IMMP2L: variants seen among roughly 807,000 people sequenced by gnomAD.
IMMP2L encodes the protein mitochondrial inner membrane protease subunit 2.
Under a neutral mutation model 19.3 loss-of-function variants are expected in IMMP2L, and 18 were observed. That is an observed-to-expected ratio of 0.93 (90% CI 0.64 to 1.38). The LOEUF (loss-of-function observed/expected upper bound fraction) is 1.38. IMMP2L is among the 40% of genes most tolerant of loss of function. The probability of loss-of-function intolerance (pLI) is 0.00; values close to 1 mark genes in which losing one functional copy is unlikely to be tolerated. For synonymous variants in IMMP2L, 76 were observed against 73.0 expected, an observed-to-expected ratio of 1.04 and a Z score of -0.21; for missense variants, 233 against 218.2, an observed-to-expected ratio of 1.07 and a Z score of -0.43.
chr7:111,404,278 C>G (rs1048090400), intron 3 of IMMP2L, among the ~76,000 whole-genome samples: 8 of 152,076 alleles, frequency 5.3e-5, no homozygotes, highest in African/African-American at 1.9e-4. Flanking sequence ...TAGGAGTGTT[C>G]AGGGGCATTA....
intron 5 of IMMP2L, among the ~76,000 whole-genome samples, chr7:110,857,335 T>G (rs1806900477): frequency 6.6e-6 from 1 of 152,204 alleles, no homozygotes; most frequent in Non-Finnish European, 1.5e-5. Flanking sequence ...ATAAAAGTCC[T>G]ACCAATTGTG....
chr7:111,472,329 T>C (rs983772909), intron 3 of IMMP2L, among the ~76,000 whole-genome samples: 1 of 152,116 alleles, frequency 6.6e-6, no homozygotes, highest in African/African-American at 2.4e-5. Context: ...TCTCAACCAT[T>C]ATTATCTGCC....
chr7:110,678,305 G>A (rs375837250), intron 5 of IMMP2L, among the ~76,000 whole-genome samples: 2 of 151,994 alleles, frequency 1.3e-5, no homozygotes, highest in African/African-American at 4.8e-5. Context: ...TCTGCTGGGG[G>A]TATTATGTTA....
chr7:110,685,525 C>A (rs533359053), intron 5 of IMMP2L, among the ~76,000 whole-genome samples: 1 of 152,072 alleles, frequency 6.6e-6, no homozygotes, highest in Non-Finnish European at 1.5e-5. Flanking sequence ...TATCATATCC[C>A]ATTATTAACA....
At chr7:111,270,426 T>C (rs1016310667) in intron 3 of IMMP2L, among the ~76,000 whole-genome samples, 1 of 152,188 alleles carries the variant, frequency 6.6e-6, no homozygotes, top group African/African-American at 2.4e-5. Flanking sequence ...AGAGTCTAAA[T>C]GTATTCTATT....
At chr7:111,007,269 A>G (rs1183101173) in intron 3 of IMMP2L, among the ~76,000 whole-genome samples, 1 of 152,118 alleles carries the variant, frequency 6.6e-6, no homozygotes, top group East Asian at 1.9e-4. Context: ...AATCACCCTC[A>G]TTATCCAAAC....
intron 3 of IMMP2L, among the ~76,000 whole-genome samples, chr7:111,119,360 A>G (rs1161851785): frequency 6.6e-6 from 1 of 152,184 alleles, no homozygotes; most frequent in Non-Finnish European, 1.5e-5. Context: ...TCCCCTCCAG[A>G]CTGAAATTTT....
At chr7:111,450,343 G>A (rs1244837083) in intron 3 of IMMP2L, among the ~76,000 whole-genome samples, 1 of 151,872 alleles carries the variant, frequency 6.6e-6, no homozygotes, top group Non-Finnish European at 1.5e-5. Context: ...AAACAGCATG[G>A]TACTGGTACC....
At chr7:110,778,379 CATT>C (rs1799532580) in intron 5 of IMMP2L, among the ~76,000 whole-genome samples, 1 of 151,872 alleles carries the variant, frequency 6.6e-6, no homozygotes, top group African/African-American at 2.4e-5. Flanking sequence ...GCATCTATGT[CATT>C]ATTGGAAGAA....
At chr7:110,723,166 T>C (rs1795681855) in intron 5 of IMMP2L, among the ~76,000 whole-genome samples, 1 of 152,206 alleles carries the variant, frequency 6.6e-6, no homozygotes, top group Non-Finnish European at 1.5e-5. Flanking sequence ...TCTAAAACTT[T>C]GGTCACTGGA....
At chr7:111,531,470 CCAAG>C (rs1847390010) in intron 1 of IMMP2L, among the ~76,000 whole-genome samples, 1 of 152,004 alleles carries the variant, frequency 6.6e-6, no homozygotes, top group Non-Finnish European at 1.5e-5. Context: ...GCATTTACAA[CCAAG>C]GCCTAATCTC....
At chr7:110,898,168 T>C (rs746885063) in intron 4 of IMMP2L, among the ~76,000 whole-genome samples, 1 of 151,384 alleles carries the variant, frequency 6.6e-6, no homozygotes, top group Non-Finnish European at 1.5e-5. Flanking sequence ...CATATATAAA[T>C]ACAATATATA....
intron 1 of IMMP2L, among the ~76,000 whole-genome samples, chr7:111,546,512 T>C (rs1848948322): frequency 6.6e-6 from 1 of 152,194 alleles, no homozygotes; most frequent in African/African-American, 2.4e-5. Flanking sequence ...TATATATTTA[T>C]GAAATCAGCT....
chr7:111,176,879 A>T (rs1440081087), intron 3 of IMMP2L, among the ~76,000 whole-genome samples: 1 of 152,064 alleles, frequency 6.6e-6, no homozygotes, highest in African/African-American at 2.4e-5. Flanking sequence ...ATGAAATGCC[A>T]TTTACTTAAT....
intron 3 of IMMP2L, among the ~76,000 whole-genome samples, chr7:111,275,990 G>T (rs1819000178): frequency 6.6e-6 from 1 of 151,872 alleles, no homozygotes; most frequent in Non-Finnish European, 1.5e-5. Flanking sequence ...CAGCAAACAG[G>T]GATAATTTGA....
At chr7:111,040,578 T>G (rs919408015) in intron 3 of IMMP2L, among the ~76,000 whole-genome samples, 13 of 151,066 alleles carry the variant, frequency 8.6e-5, no homozygotes, top group African/African-American at 3.1e-4. Flanking sequence ...ATCTAATATT[T>G]AAATATTAGA....
chr7:110,971,943 G>A lies in IMMP2L; in HGVS notation c.240-8378C>T, dbSNP rs993442852. Among the ~76,000 whole-genome samples, 3 of 151,994 alleles carry A rather than the reference G, an allele frequency of 2.0e-5. No homozygotes were observed. The South Asian group carries it at 6.2e-4, about 31-fold the overall frequency. On this transcript the variant is annotated intron_variant, in intron 3 of 5. Coordinates refer to ENST00000405709, the MANE Select transcript of IMMP2L (RefSeq NM_032549.4). ...ATGCCACATAATCAATGATACTATT[G>A]TAATTTCTCAAAAATGCTCACTCTC... is the stretch of plus-strand genomic sequence containing the variant.
intron 3 of IMMP2L, among the ~76,000 whole-genome samples, chr7:111,435,966 TCCCAATC>T (rs1837123144): frequency 6.6e-6 from 1 of 151,752 alleles, no homozygotes; most frequent in South Asian, 2.1e-4. Context: ...ACTTCCTCTC[TCCCAATC>T]CCATCATCTT....
At chr7:111,146,520 G>A (rs1053192907) in intron 3 of IMMP2L, among the ~76,000 whole-genome samples, 5 of 151,858 alleles carry the variant, frequency 3.3e-5, no homozygotes, top group Non-Finnish European at 2.9e-5. Flanking sequence ...AAACTAATAG[G>A]AGAACAGTCA....
Sources: allele counts gnomAD v4.1 joint callset (sites outside exome capture counted in the v4.1 genomes callset), GRCh38; gene constraint gnomAD v4.1.1; transcripts MANE v1.5; gene names NCBI Gene and HGNC (gene_info 2026-07-23, HGNC 2026-07-21).